Variants in CNTNAP2 observed in about 807,000 individuals in gnomAD.
CNTNAP2 encodes the protein contactin associated protein 2.
A neutral mutation model predicts 155.2 loss-of-function variants in CNTNAP2; 98 were observed. The ratio of observed to expected loss-of-function variants is 0.63; its 90% CI spans 0.54 to 0.75. CNTNAP2 has a LOEUF of 0.75. Ranked by LOEUF, CNTNAP2 falls within the 30% of genes least tolerant of loss-of-function variation. The pLI, the probability that CNTNAP2 is intolerant of heterozygous loss-of-function variation, is 0.00. For synonymous variants in CNTNAP2, 651 were observed against 631.2 expected (o/e 1.03, Z -0.47); for missense variants, 1,727 against 1,688.1 (o/e 1.02, Z -0.40).
chr7:146,473,557 T>C (rs1274738576), intron 1 of CNTNAP2, among the ~76,000 whole-genome samples: 1 of 152,176 alleles, frequency 6.6e-6, no homozygotes, highest in Non-Finnish European at 1.5e-5. Context: ...AGGGTGACAA[T>C]ATTCTTCTTT....
intron 12 of CNTNAP2, among the ~76,000 whole-genome samples, chr7:147,567,019 G>A (rs929353): frequency 0.72 from 108,771 of 151,946 alleles, 39,345 homozygotes; most frequent in African/African-American, 0.81. Flanking sequence ...CACATATACA[G>A]TGGATGTGGT....
chr7:147,808,283 G>A (rs1192403033), intron 13 of CNTNAP2, among the ~76,000 whole-genome samples: 3 of 152,098 alleles, frequency 2.0e-5, no homozygotes, highest in Non-Finnish European at 4.4e-5. Flanking sequence ...GCCCGGAAAG[G>A]GCAGCGTCAC....
chr7:148,315,086 G>A (rs1585265603), intron 21 of CNTNAP2, among the ~76,000 whole-genome samples: 1 of 152,180 alleles, frequency 6.6e-6, no homozygotes, highest in Non-Finnish European at 1.5e-5. Flanking sequence ...GATGTTCCTT[G>A]GGCTGGTTGG....
At chr7:148,032,031 ACT>A (rs1802486272) in intron 15 of CNTNAP2, among the ~76,000 whole-genome samples, 1 of 152,064 alleles carries the variant, frequency 6.6e-6, no homozygotes, top group African/African-American at 2.4e-5. Flanking sequence ...GTCTGCCCTG[ACT>A]CTGTGACTGC....
chr7:147,471,206 G>A (rs774889639), intron 10 of CNTNAP2, among the ~76,000 whole-genome samples: 17 of 152,156 alleles, frequency 1.1e-4, no homozygotes, highest in Admixed American at 2.0e-4. Flanking sequence ...GATGCAATAT[G>A]GAGACCATAG....
chr7:147,901,261 T>A (rs937148185), intron 13 of CNTNAP2, among the ~76,000 whole-genome samples: 1 of 152,220 alleles, frequency 6.6e-6, no homozygotes, highest in African/African-American at 2.4e-5. Context: ...CAGAAATCTA[T>A]CTTTCATCTT....
At chr7:148,315,500 C>A (rs1458413307) in intron 21 of CNTNAP2, among the ~76,000 whole-genome samples, 2 of 151,990 alleles carry the variant, frequency 1.3e-5, no homozygotes, top group African/African-American at 4.8e-5. Flanking sequence ...CAGGAACAGG[C>A]CATTTTCACT....
chr7:147,180,255 C>T (rs1802427241), intron 8 of CNTNAP2, among the ~76,000 whole-genome samples: 3 of 152,092 alleles, frequency 2.0e-5, no homozygotes, highest in Admixed American at 1.3e-4. Flanking sequence ...AAATACAAAG[C>T]CCTAGAGATT....
chr7:146,321,898 C>G lies in CNTNAP2; in HGVS notation c.97+204925C>G, dbSNP rs149406142. On this transcript the variant is annotated intron_variant, in intron 1 of 23. Coordinates refer to ENST00000361727, the MANE Select transcript of CNTNAP2 (RefSeq NM_014141.6). ...GTGGCTCCATTATTTCTTTTTTTCA[C>G]AGCAATTTTACATGAGATCTGAAAT... Among the ~76,000 whole-genome samples the G allele has an allele frequency of 6.1e-4, 93 of 152,156 alleles. 1 individual carries two copies. In the East Asian group the frequency reaches 0.017, roughly 28 times the overall value.
chr7:146,324,677 C>G (rs1801066605), intron 1 of CNTNAP2, among the ~76,000 whole-genome samples: 1 of 152,050 alleles, frequency 6.6e-6, no homozygotes, highest in African/African-American at 2.4e-5. Flanking sequence ...ATATTCCCCT[C>G]TTTTAATGAT....
chr7:146,455,011 A>G (rs969453070), intron 1 of CNTNAP2, among the ~76,000 whole-genome samples: 1 of 152,166 alleles, frequency 6.6e-6, no homozygotes, highest in Non-Finnish European at 1.5e-5. Context: ...TGTGCCCTGA[A>G]TGTGGGCTCT....
chr7:147,150,893 G>C (rs2129289245), intron 8 of CNTNAP2, among the ~76,000 whole-genome samples: 1 of 152,212 alleles, frequency 6.6e-6, no homozygotes, highest in Middle Eastern at 3.4e-3. Context: ...AACCCCAAAA[G>C]AAACCCAAAG....
chr7:147,515,042 C>T (rs996388127), intron 11 of CNTNAP2, among the ~76,000 whole-genome samples: 3 of 152,120 alleles, frequency 2.0e-5, no homozygotes, highest in Non-Finnish European at 4.4e-5. Flanking sequence ...CTGCCCTTCC[C>T]CTTGTTTGCT....
At chr7:147,144,162 G>T (rs188215939) in intron 8 of CNTNAP2, among the ~76,000 whole-genome samples, 14 of 152,206 alleles carry the variant, frequency 9.2e-5, no homozygotes, top group African/African-American at 3.1e-4. Flanking sequence ...AAGTGAAATG[G>T]CATCTATTGA....
At chr7:148,014,968 A>C (rs1406462933) in intron 15 of CNTNAP2, among the ~76,000 whole-genome samples, 1 of 152,210 alleles carries the variant, frequency 6.6e-6, no homozygotes, top group Non-Finnish European at 1.5e-5. Flanking sequence ...TTCTTGTGAG[A>C]AGGATGTTAA....
intron 1 of CNTNAP2, among the ~76,000 whole-genome samples, chr7:146,522,183 T>C (rs900432505): frequency 2.0e-5 from 3 of 152,122 alleles, no homozygotes; most frequent in Non-Finnish European, 4.4e-5. Context: ...AGTTGCCGTA[T>C]TTGATGTTTC....
At chr7:148,084,182 A>T (rs1046974703) in intron 15 of CNTNAP2, among the ~76,000 whole-genome samples, 16 of 152,204 alleles carry the variant, frequency 1.1e-4, no homozygotes, top group African/African-American at 3.9e-4. Flanking sequence ...TTTTCTTTTA[A>T]TGCGTTCATT....
At chr7:146,804,164 C>G (rs1802927734) in intron 2 of CNTNAP2, among the ~76,000 whole-genome samples, 1 of 152,040 alleles carries the variant, frequency 6.6e-6, no homozygotes, top group Admixed American at 6.6e-5. Flanking sequence ...CAAGAGGGAA[C>G]AGAAGATAAG....
At chr7:146,971,521 CAACAAT>C (rs1797798728) in intron 3 of CNTNAP2, among the ~76,000 whole-genome samples, 2 of 152,082 alleles carry the variant, frequency 1.3e-5, no homozygotes, top group Admixed American at 6.5e-5. Context: ...GATAGCTTAT[CAACAAT>C]AACAAAAATG....
Sources: gnomAD v4.1 joint callset for allele counts (sites outside exome capture counted in the v4.1 genomes callset) on GRCh38, gnomAD v4.1.1 for gene constraint, MANE v1.5 for transcripts, NCBI Gene and HGNC (gene_info 2026-07-23, HGNC 2026-07-21) for gene names.